Variants in CTNNA3 observed in about 807,000 individuals in gnomAD.
CTNNA3 encodes the protein catenin alpha-3.
CTNNA3 carries 76 observed loss-of-function variants against 95.7 expected under a neutral mutation model. The observed-to-expected ratio is 0.79, with a 90% CI of 0.66 to 0.96. CTNNA3 has a LOEUF of 0.96. CTNNA3 is among the 40% of genes least tolerant of loss of function. CTNNA3 has a pLI of 0.00. For synonymous variants in CTNNA3, 431 were observed against 374.4 expected (o/e 1.15, Z -1.74); for missense variants, 1,191 against 1,089.8 (o/e 1.09, Z -1.31).
intron 15 of CTNNA3, 81 bp downstream of exon 15, chr10:66,069,227 T>G: frequency 7.1e-7 from 1 of 1,404,738 alleles, no homozygotes; most frequent in South Asian, 1.2e-5. Flanking sequence ...CACTTGACAC[T>G]CAGAGAATCT....
chr10:66,766,175 G>GT (rs1241029199), intron 9 of CTNNA3, 89 bp downstream of exon 9: 9 of 1,381,714 alleles, frequency 6.5e-6, no homozygotes, highest in Middle Eastern at 1.9e-4. Flanking sequence ...GGTGTCAAAA[G>GT]TTTTTATTTA....
In CTNNA3 at chr10:67,353,792, C is replaced by T. The variant is rs183889272; in HGVS notation, c.580-133922G>A. Among the ~76,000 whole-genome samples the T allele has an allele frequency of 3.0e-3, 451 of 151,902 alleles. 9 individuals are homozygous for T. The South Asian group carries it at 0.037, about 13-fold the overall frequency. ...ATAAGTAGATGAATGTGTGAGTGAA[C>T]GGATGAATGTAAAGATTTCCACAGG... On this transcript the variant is annotated intron_variant, in intron 5 of 17. Coordinates refer to ENST00000433211, the MANE Select transcript of CTNNA3 (RefSeq NM_013266.4).
intron 16 of CTNNA3, among the ~76,000 whole-genome samples, chr10:65,981,500 TAA>T (rs769688672): frequency 6.6e-6 from 1 of 151,922 alleles, no homozygotes; most frequent in Non-Finnish European, 1.5e-5. Flanking sequence ...AAAACAATCC[TAA>T]GATTCATATA....
Position 65,966,655 on chromosome 10 carries a change from T to C in CTNNA3, c.2357A>G (p.Lys786Arg), listed in dbSNP as rs1292318570. The C allele has an allele frequency of 6.2e-7, 1 of 1,613,870 alleles. No homozygotes were observed. ...TCCTCCCAGGTTCTGGATCTCAGCT[T>C]TAACTTGACTGCAGATTTTCAGTTG... ...SHQLKICSQV[K>R]AEIQNLGGEL... The change falls in exon 17 of 18, where the codon AAA becomes AGA. Residue 786 changes from lysine to arginine, a missense_variant. Physicochemically the swap from Lys to Arg is conservative, Grantham distance 26 (BLOSUM62 2). Transcript: ENST00000433211.
intron 1 of CTNNA3, among the ~76,000 whole-genome samples, chr10:67,759,387 T>C (rs976563554): frequency 3.3e-5 from 5 of 152,256 alleles, no homozygotes; most frequent in Non-Finnish European, 7.3e-5. Context: ...GTCAAACCTA[T>C]TCCTTTTGAG....
intron 5 of CTNNA3, among the ~76,000 whole-genome samples, chr10:67,416,189 T>C (rs1388364997): frequency 1.3e-5 from 2 of 151,934 alleles, no homozygotes; most frequent in Admixed American, 1.3e-4. Flanking sequence ...AAAAAAACTA[T>C]GAACAGAGCA....
intron 5 of CTNNA3, among the ~76,000 whole-genome samples, chr10:67,473,623 C>A (rs753603502): frequency 6.6e-6 from 1 of 152,022 alleles, no homozygotes; most frequent in Non-Finnish European, 1.5e-5. Flanking sequence ...ATACAGTGGG[C>A]CCTACATATT....
chr10:66,200,043 A>C (rs758577595), intron 13 of CTNNA3, among the ~76,000 whole-genome samples: 1 of 150,820 alleles, frequency 6.6e-6, no homozygotes, highest in Non-Finnish European at 1.5e-5. Context: ...GATTTTAAAC[A>C]CCTTTCTACA....
intron 3 of CTNNA3, among the ~76,000 whole-genome samples, chr10:67,583,439 G>A (rs1374234592): frequency 3.3e-5 from 5 of 152,198 alleles, no homozygotes; most frequent in African/African-American, 1.2e-4. Context: ...CTGTTTGTCT[G>A]ATGGGCTTCC....
At chr10:67,256,714 G>A (rs1352828967) in intron 5 of CTNNA3, among the ~76,000 whole-genome samples, 1 of 152,024 alleles carries the variant, frequency 6.6e-6, no homozygotes, top group African/African-American at 2.4e-5. Flanking sequence ...CCACCAGGAA[G>A]GATAAACAGA....
At chr10:66,022,145 A>C (rs1320772251) in intron 15 of CTNNA3, among the ~76,000 whole-genome samples, 1 of 152,098 alleles carries the variant, frequency 6.6e-6, no homozygotes, top group African/African-American at 2.4e-5. Flanking sequence ...GGCTTGAGCC[A>C]CCATGCCCAG....
At chr10:66,505,836 A>G (rs1222946680) in intron 11 of CTNNA3, among the ~76,000 whole-genome samples, 1 of 152,180 alleles carries the variant, frequency 6.6e-6, no homozygotes, top group Non-Finnish European at 1.5e-5. Context: ...TGTTCTAAAA[A>G]CTGATAAAGT....
At chr10:67,476,605 C>T (rs1223602913) in intron 5 of CTNNA3, among the ~76,000 whole-genome samples, 1 of 151,960 alleles carries the variant, frequency 6.6e-6, no homozygotes, top group Non-Finnish European at 1.5e-5. Flanking sequence ...CTGAGCTGCC[C>T]CACCCTTCCT....
intron 11 of CTNNA3, among the ~76,000 whole-genome samples, chr10:66,473,840 T>A (rs1024651904): frequency 6.6e-6 from 1 of 152,124 alleles, no homozygotes; most frequent in Non-Finnish European, 1.5e-5. Flanking sequence ...ACAAAGGACA[T>A]GAACTCATCA....
chr10:66,806,261 TTGTGTGTG>T (rs59596203), intron 7 of CTNNA3, among the ~76,000 whole-genome samples: 1 of 143,958 alleles, frequency 6.9e-6, no homozygotes, highest in Non-Finnish European at 1.5e-5. Flanking sequence ...ATATTGGTGT[TTGTGTGTG>T]TGTGTGTGTG....
intron 7 of CTNNA3, chr10:66,926,921 G>A (rs1174222445): frequency 1.3e-6 from 2 of 1,555,608 alleles, no homozygotes; most frequent in Non-Finnish European, 1.7e-6. Context: ...TTATTTCCAG[G>A]TTTCAATGTA....
chr10:66,789,106 T>A (rs1312597155), intron 7 of CTNNA3, among the ~76,000 whole-genome samples: 7 of 152,196 alleles, frequency 4.6e-5, no homozygotes, highest in Admixed American at 3.9e-4. Context: ...AATATTTTTC[T>A]CCTGCCATTT....
intron 1 of CTNNA3, among the ~76,000 whole-genome samples, chr10:67,747,062 C>T (rs1049539940): frequency 2.0e-5 from 3 of 152,210 alleles, no homozygotes; most frequent in Non-Finnish European, 2.9e-5. Flanking sequence ...TCCCTCCTCA[C>T]TGGGCAGGAC....
chr10:66,743,329 G>A (rs192882442), intron 9 of CTNNA3, among the ~76,000 whole-genome samples: 8 of 152,176 alleles, frequency 5.3e-5, no homozygotes, highest in East Asian at 3.9e-4. Flanking sequence ...GGAAAAGATC[G>A]TACAAATTTA....
Sources: allele counts gnomAD v4.1 joint callset (sites outside exome capture counted in the v4.1 genomes callset), GRCh38; gene constraint gnomAD v4.1.1; transcripts MANE v1.5; gene names NCBI Gene and HGNC (gene_info 2026-07-23, HGNC 2026-07-21).